Variants in MRRF observed in about 807,000 individuals in gnomAD.
MRRF encodes ribosome-recycling factor, mitochondrial.
Under a neutral mutation model 25.1 loss-of-function variants are expected in MRRF, and 18 were observed. The observed-to-expected ratio is 0.72, with a 90% CI of 0.50 to 1.06. The LOEUF (loss-of-function observed/expected upper bound fraction) is 1.06. MRRF is among the 50% of genes least tolerant of loss of function. MRRF has a pLI of 0.00. For synonymous variants in MRRF, 113 were observed against 112.1 expected (o/e 1.01, Z -0.05); for missense variants, 323 against 319.3 (o/e 1.01, Z -0.09).
At chr9:122,307,578 T>G (rs1020765888) in intron 5 of MRRF, among the ~76,000 whole-genome samples, 1 of 152,222 alleles carries the variant, frequency 6.6e-6, no homozygotes, top group African/African-American at 2.4e-5. Context: ...TTTGTTGAGC[T>G]CTTACAATGC....
intron 2 of MRRF, among the ~76,000 whole-genome samples, chr9:122,272,881 A>T (rs1035876142): frequency 6.6e-6 from 1 of 152,116 alleles, no homozygotes; most frequent in Non-Finnish European, 1.5e-5. Context: ...TGTCAAAATC[A>T]TTTATTGATT....
In MRRF at chr9:122,331,089, T is replaced by G. The variant is rs944315333; in HGVS notation, c.*8472T>G. On this transcript the variant is annotated 3_prime_UTR_variant, in exon 7 of 7. Transcript: ENST00000344641. ...CTGGGTCCTGTCGCAGTTTTGCCCT[T>G]TCTTCCCTCAAAAAAAGGTCTCTCC... 3.3e-5 allele frequency: 5 copies of G among 152,086 alleles called. No homozygotes were observed. The highest frequency in any genetic ancestry group is 1.2e-4 in the African/African-American group (5 of 41,414). The allele number at this position is 152,086 out of a possible 1,614,324, so 9.4% of individuals were successfully genotyped here.
intron 4 of MRRF, among the ~76,000 whole-genome samples, chr9:122,287,384 A>T (rs1833481101): frequency 6.6e-6 from 1 of 152,220 alleles, no homozygotes; most frequent in Non-Finnish European, 1.5e-5. Context: ...TTCTGATGTT[A>T]GTGAGGAACA....
intron 1 of MRRF, chr9:122,265,639 C>G (rs970114461): frequency 1.7e-6 from 1 of 583,290 alleles, no homozygotes; most frequent in African/African-American, 1.9e-5. Flanking sequence ...CCTGATCTGA[C>G]CCCTTCATTT....
At chr9:122,294,046 A>G (rs141062463) in intron 5 of MRRF, among the ~76,000 whole-genome samples, 1 of 152,352 alleles carries the variant, frequency 6.6e-6, no homozygotes, top group African/African-American at 2.4e-5. Flanking sequence ...CAAGAGTAAT[A>G]GATAGTAGTC....
intron 5 of MRRF, among the ~76,000 whole-genome samples, chr9:122,306,469 AAT>A (rs1263545667): frequency 6.6e-6 from 1 of 152,212 alleles, no homozygotes; most frequent in Non-Finnish European, 1.5e-5. Flanking sequence ...GCAGAGGTGA[AAT>A]AACTTGCCCA....
In MRRF at chr9:122,325,421, T is replaced by C. The variant is rs1836104179; in HGVS notation, c.*2804T>C. On this transcript the variant is annotated 3_prime_UTR_variant, in exon 7 of 7. Transcript: ENST00000344641. ...GTGGTGACAGGGACAAGAATGAGAC[T>C]ACCTGTTTGGATGTGCTGAGAATGA... The C allele has an allele frequency of 6.6e-6, 1 of 152,240 alleles. No individual in the cohort carries two copies. The highest frequency in any genetic ancestry group is 2.4e-5 in the African/African-American group (1 of 41,454). 9.4% of individuals were successfully genotyped at this position (152,240 alleles called of 1,614,324 possible). A position where few individuals can be genotyped will look rare whatever the true frequency, so the allele number is the denominator to read the frequency against.
Position 122,325,822 on chromosome 9 carries a change from G to A in MRRF, c.*3205G>A, listed in dbSNP as rs1369865807. The A allele has an allele frequency of 1.3e-5, 2 of 149,904 alleles. No individual in the cohort carries two copies. The highest frequency in any genetic ancestry group is 4.9e-5 in the African/African-American group (2 of 40,606). 9.3% of individuals were successfully genotyped at this position (149,904 alleles called of 1,614,324 possible). On this transcript the variant is annotated 3_prime_UTR_variant, in exon 7 of 7. Transcript: ENST00000344641. Reference sequence around the variant, plus strand: ...TATGTGTGTGTGTGTGTGTGTGTTCGTTTCATTTTGTTTTGCCTTTGAGAC... The same window carrying A: ...TATGTGTGTGTGTGTGTGTGTGTTCATTTCATTTTGTTTTGCCTTTGAGAC...
chr9:122,313,132 CA>C, intron 5 of MRRF, 94 bp from the exon 6 acceptor site: 2 of 1,310,094 alleles, frequency 1.5e-6, no homozygotes, highest in East Asian at 5.0e-5. Context: ...AGGAAAGTTA[CA>C]AACTGCTGAA....
chr9:122,299,950 G>A (rs929668824), intron 5 of MRRF, among the ~76,000 whole-genome samples: 20 of 152,162 alleles, frequency 1.3e-4, no homozygotes, highest in Non-Finnish European at 2.6e-4. Flanking sequence ...GTCAGCTTGG[G>A]TCTTCTGAGA....
intron 2 of MRRF, among the ~76,000 whole-genome samples, chr9:122,272,162 C>T (rs970359332): frequency 6.6e-6 from 1 of 151,960 alleles, no homozygotes; most frequent in African/African-American, 2.4e-5. Context: ...CTAGTTAATC[C>T]AGATCTCACC....
At chr9:122,283,157 G>T (rs573620815) in intron 3 of MRRF, among the ~76,000 whole-genome samples, 3 of 150,268 alleles carry the variant, frequency 2.0e-5, no homozygotes, top group Non-Finnish European at 4.4e-5. Context: ...GCAATGGCGC[G>T]ATCTCGGCTC....
rs914905127 is a variant in MRRF at position 122,326,172 on chromosome 9, A to T, written c.*3555A>T. On this transcript the variant is annotated 3_prime_UTR_variant, in exon 7 of 7. Coordinates refer to ENST00000344641, the MANE Select transcript of MRRF (RefSeq NM_138777.5). ...GCCCACGCTGGAGTGCATTGGCGCA[A>T]TCTCGGCTCACTGCAACCTCTGCCT... 6.7e-6 allele frequency: 1 copy of T among 150,014 alleles called. No homozygotes were observed. The highest frequency in any genetic ancestry group is 2.5e-5 in the African/African-American group (1 of 40,518). 9.3% of individuals were successfully genotyped at this position (150,014 alleles called of 1,614,324 possible). A position where few individuals can be genotyped will look rare whatever the true frequency, so the allele number is the denominator to read the frequency against.
At chr9:122,267,042 C>T (rs1832146373) in intron 1 of MRRF, among the ~76,000 whole-genome samples, 2 of 150,590 alleles carry the variant, frequency 1.3e-5, no homozygotes, top group South Asian at 2.1e-4. Context: ...TGCACTCCAG[C>T]CTGGGCGACA....
chr9:122,318,964 G>C (rs10985595), intron 6 of MRRF, among the ~76,000 whole-genome samples: 21,461 of 151,896 alleles, frequency 0.14, 1,757 homozygotes, highest in East Asian at 0.24. Flanking sequence ...TCTCCCCAGT[G>C]TTGTGACTTT....
In MRRF at chr9:122,291,766, C is replaced by T. The variant is rs542061121; in HGVS notation, c.477C>T (p.Ile159=). Residue 159 remains isoleucine, a synonymous_variant, in exon 5 of 7, where the codon ATC becomes ATT. Coordinates refer to ENST00000344641, the MANE Select transcript of MRRF (RefSeq NM_138777.5). ...GTTTTCAGTGTACAGCTGCAGCTAT[C>T]AAGGCTATAAGAGAAAGTGGAATGA... ...ASFPECTAAA[I]KAIRESGMNL... 2.5e-6 allele frequency: 4 copies of T among 1,612,994 alleles called. No individual in the cohort carries two copies. Among genetic ancestry groups the T allele is most frequent in the Non-Finnish European group, 3.4e-6 (4 of 1,178,986 alleles).
intron 5 of MRRF, among the ~76,000 whole-genome samples, chr9:122,303,154 A>C (rs1834579199): frequency 6.6e-6 from 1 of 152,084 alleles, no homozygotes; most frequent in African/African-American, 2.4e-5. Flanking sequence ...AGTTTATCCC[A>C]AAAATTCAGA....
At position 122,330,360 on chromosome 9, in the gene MRRF, GCTC is replaced by G. The variant is rs1222585475; in HGVS notation, c.*7748_*7750del. ...AGCCCCTAAATCTCCAAAGACAGCAGCTCCTCCGCGAGCTAGCTGCCCCTGACC... is the reference window on the plus strand; with the variant it reads ...AGCCCCTAAATCTCCAAAGACAGCAGCTCCGCGAGCTAGCTGCCCCTGACC... On this transcript the variant is annotated 3_prime_UTR_variant, in exon 7 of 7. Transcript: ENST00000344641. The surrounding 1 kb of genome is among the most constrained non-coding windows in gnomAD (Gnocchi z 4.2). 1.3e-5 allele frequency: 2 copies of G among 152,220 alleles called. No homozygotes were observed. The highest frequency in any genetic ancestry group is 4.8e-5 in the African/African-American group (2 of 41,432). 9.4% of individuals were successfully genotyped at this position (152,220 alleles called of 1,614,324 possible).
intron 6 of MRRF, among the ~76,000 whole-genome samples, chr9:122,317,939 C>T (rs560303714): frequency 2.0e-5 from 3 of 152,146 alleles, no homozygotes; most frequent in East Asian, 3.9e-4. Context: ...AGATCGAGAC[C>T]GTCCTGGCTA....
Sources: gnomAD v4.1 joint callset for allele counts (sites outside exome capture counted in the v4.1 genomes callset) on GRCh38, gnomAD v4.1.1 for gene constraint, Gnocchi (gnomAD v3.1) non-coding constraint, MANE v1.5 for transcripts, NCBI Gene and HGNC (gene_info 2026-07-23, HGNC 2026-07-21) for gene names.